PEX13: variants seen among roughly 807,000 people sequenced by gnomAD.
PEX13 encodes the protein peroxisome biogenesis factor 13.
PEX13 carries 28 observed loss-of-function variants against 34.5 expected under a neutral mutation model. The ratio of observed to expected loss-of-function variants is 0.81; its 90% confidence interval spans 0.60 to 1.11. The LOEUF (loss-of-function observed/expected upper bound fraction) is 1.11. Among genes scored for constraint, PEX13 ranks in the 50% most tolerant of loss-of-function variants. PEX13 has a pLI of 0.00. For synonymous variants in PEX13, 177 were observed against 175.1 expected, an observed-to-expected ratio of 1.01 and a Z score of -0.09; for missense variants, 550 against 491.0, an observed-to-expected ratio of 1.12 and a Z score of -1.13.
rs1680785125 is a variant in PEX13, at chr2:61,050,823, G to C, written c.*2053G>C. On this transcript the variant is annotated 3_prime_UTR_variant, in exon 4 of 4. Transcript: ENST00000295030. ...TTTTTAGTAGAGACGGGGTTTCACC[G>C]TGTTACCCAGGATGGTCTCCATCTC... The C allele has an allele frequency of 6.6e-6, 1 of 152,222 alleles. No homozygotes were observed. The highest frequency in any genetic ancestry group is 2.1e-4 in the South Asian group (1 of 4,824). The allele number at this position is 152,222 out of a possible 1,614,324, so 9.4% of individuals were successfully genotyped here.
intron 2 of PEX13, among the ~76,000 whole-genome samples, chr2:61,037,142 C>T (rs1348509575): frequency 4.6e-5 from 7 of 152,190 alleles, no homozygotes; most frequent in Non-Finnish European, 7.3e-5. Context: ...TAGAGACTTA[C>T]AAAGAGACTT....
intron 1 of PEX13, among the ~76,000 whole-genome samples, chr2:61,027,356 A>AACAC (rs369806426): frequency 2.0e-5 from 3 of 150,204 alleles, no homozygotes; most frequent in African/African-American, 7.4e-5. Flanking sequence ...AAAAAAACAA[A>AACAC]ACACACACAC....
intron 1 of PEX13, chr2:61,018,311 A>G: frequency 1.3e-6 from 2 of 1,548,892 alleles, no homozygotes; most frequent in South Asian, 1.2e-5. Flanking sequence ...GTTTTACGCA[A>G]CAGGAACTCA....
rs892846278 is a variant in PEX13, at chr2:61,031,567, G to A, written c.241G>A (p.Gly81Arg). The change falls in exon 2 of 4, where the codon GGA (glycine) becomes AGA (arginine). Residue 81 changes from glycine to arginine, a missense_variant. Physicochemically the swap from Gly to Arg is moderately radical, Grantham distance 125. Coordinates refer to ENST00000295030, the MANE Select transcript of PEX13 (RefSeq NM_002618.4). ...FRPAYSSFSS[G>R]YGAYGNSFYG... is the part of the protein sequence containing the mutation. ...ACCTGCTTACAGTTCATTTTCTTCT[G>A]GATATGGTGCCTATGGAAATTCATT... 16 of 1,614,038 alleles carry A rather than the reference G, an allele frequency of 9.9e-6. No homozygotes were observed. The highest frequency in any genetic ancestry group is 1.4e-5 in the Non-Finnish European group (16 of 1,180,032).
chr2:61,043,641 T>G (rs1410833192), intron 2 of PEX13, among the ~76,000 whole-genome samples: 1 of 152,218 alleles, frequency 6.6e-6, no homozygotes, highest in African/African-American at 2.4e-5. Context: ...CATTGTATTA[T>G]CAGCAGCCAC....
At chr2:61,024,520 G>A (rs1395355850) in intron 1 of PEX13, among the ~76,000 whole-genome samples, 5 of 152,126 alleles carry the variant, frequency 3.3e-5, no homozygotes, top group African/African-American at 1.2e-4. Context: ...TATTAAACCA[G>A]TCATTGAGGC....
At chr2:61,043,484 G>A (rs1331952470) in intron 2 of PEX13, among the ~76,000 whole-genome samples, 2 of 152,128 alleles carry the variant, frequency 1.3e-5, no homozygotes, top group Admixed American at 6.5e-5. Flanking sequence ...TTTCAAAGAA[G>A]GTGAAAACAC....
At chr2:61,043,225 G>A (rs1189356761) in intron 2 of PEX13, among the ~76,000 whole-genome samples, 3 of 151,768 alleles carry the variant, frequency 2.0e-5, no homozygotes, top group East Asian at 1.9e-4. Flanking sequence ...GGCTGGGTTC[G>A]GTGGCTCATG....
At chr2:61,040,723 A>G (rs1046131541) in intron 2 of PEX13, among the ~76,000 whole-genome samples, 4 of 150,012 alleles carry the variant, frequency 2.7e-5, no homozygotes, top group Admixed American at 6.7e-5. Flanking sequence ...GTACCCTAGA[A>G]CTTAAAGTAT....
At chr2:61,037,739 G>A (rs1680559143) in intron 2 of PEX13, among the ~76,000 whole-genome samples, 1 of 152,158 alleles carries the variant, frequency 6.6e-6, no homozygotes, top group Admixed American at 6.5e-5. Context: ...AAAGCTAGCA[G>A]AAGGCAAGAC....
At chr2:61,021,281 C>T (rs972607603) in intron 1 of PEX13, among the ~76,000 whole-genome samples, 2 of 152,182 alleles carry the variant, frequency 1.3e-5, no homozygotes, top group African/African-American at 4.8e-5. Flanking sequence ...GATGCCGTGA[C>T]AGACTATACC....
chr2:61,042,699 A>G (rs1416025586), intron 2 of PEX13, among the ~76,000 whole-genome samples: 1 of 152,210 alleles, frequency 6.6e-6, no homozygotes, highest in Admixed American at 6.5e-5. Context: ...TGCAACCAAA[A>G]TAAGTTCCTG....
At chr2:61,036,654 C>A (rs1680540543) in intron 2 of PEX13, among the ~76,000 whole-genome samples, 1 of 152,184 alleles carries the variant, frequency 6.6e-6, no homozygotes. Context: ...ACAACTGGTA[C>A]CAGCCACTGC....
chr2:61,030,516 T>A (rs1160319493), intron 1 of PEX13, among the ~76,000 whole-genome samples: 1 of 152,194 alleles, frequency 6.6e-6, no homozygotes, highest in Non-Finnish European at 1.5e-5. Context: ...TGAAGTGATC[T>A]CTAGTGTTCC....
chr2:61,027,103 G>A (rs1680369497), intron 1 of PEX13, among the ~76,000 whole-genome samples: 1 of 151,090 alleles, frequency 6.6e-6, no homozygotes, highest in African/African-American at 2.4e-5. Context: ...CAGGAGGATT[G>A]CTTGAGCCCA....
intron 1 of PEX13, among the ~76,000 whole-genome samples, chr2:61,031,106 A>G (rs1427117378): frequency 3.3e-5 from 5 of 152,188 alleles, no homozygotes; most frequent in Admixed American, 6.5e-5. Flanking sequence ...CCTGGGAAAC[A>G]TGGTGAAACC....
intron 2 of PEX13, among the ~76,000 whole-genome samples, chr2:61,039,228 G>T (rs1680581771): frequency 6.6e-6 from 1 of 152,092 alleles, no homozygotes; most frequent in Non-Finnish European, 1.5e-5. Flanking sequence ...TTTCTTCACA[G>T]AATTGGAAAA....
chr2:61,026,737 C>A (rs1680363292), intron 1 of PEX13, among the ~76,000 whole-genome samples: 1 of 152,062 alleles, frequency 6.6e-6, no homozygotes, highest in Non-Finnish European at 1.5e-5. Context: ...GATATTATTT[C>A]ATTTCTCTCT....
chr2:61,018,266 G>GTTAA (rs755845893), intron 1 of PEX13: 69 of 1,550,824 alleles, frequency 4.4e-5, no homozygotes, highest in Non-Finnish European at 5.8e-5. Context: ...CCTTAAAGGT[G>GTTAA]TTAACCTCTC....
Sources: gnomAD v4.1 joint callset for allele counts (sites outside exome capture counted in the v4.1 genomes callset) on GRCh38, gnomAD v4.1.1 for gene constraint, MANE v1.5 for transcripts, NCBI Gene and HGNC (gene_info 2026-07-23, HGNC 2026-07-21) for gene names.